The following SKAP1 variants were observed in gnomAD, a reference collection of about 807,000 sequenced individuals.
SKAP1 encodes the protein src kinase associated phosphoprotein 1.
A neutral mutation model predicts 58.5 loss-of-function variants in SKAP1; 44 were observed. The ratio of observed to expected loss-of-function variants is 0.75; its 90% CI spans 0.59 to 0.97. The LOEUF is 0.97. SKAP1 is among the 50% of genes least tolerant of loss of function. The probability of loss-of-function intolerance (pLI) is 0.00; values close to 1 mark genes in which losing one functional copy is unlikely to be tolerated. For synonymous variants in SKAP1, 127 were observed against 149.7 expected, an observed-to-expected ratio of 0.85 and a Z score of 1.11; for missense variants, 390 against 435.2, an observed-to-expected ratio of 0.90 and a Z score of 0.92.
chr17:48,274,688 C>G (rs900556799), intron 4 of SKAP1, among the ~76,000 whole-genome samples: 1 of 147,330 alleles, frequency 6.8e-6, no homozygotes, highest in Non-Finnish European at 1.5e-5. Context: ...AAGAGTGAAA[C>G]TCCTTCTCAA....
intron 4 of SKAP1, among the ~76,000 whole-genome samples, chr17:48,217,353 T>C (rs1300841988): frequency 2.6e-5 from 4 of 152,114 alleles, no homozygotes; most frequent in Non-Finnish European, 5.9e-5. Context: ...AGATTTCCAG[T>C]AGGATTGCTG....
chr17:48,312,128 G>C (rs77096562), intron 4 of SKAP1, among the ~76,000 whole-genome samples: 1,904 of 152,310 alleles, frequency 0.013, 47 homozygotes, highest in African/African-American at 0.044. Flanking sequence ...CATTAGCCCA[G>C]TTTGGGCTCC....
At chr17:48,322,067 T>C (rs1430685257) in intron 4 of SKAP1, among the ~76,000 whole-genome samples, 1 of 152,258 alleles carries the variant, frequency 6.6e-6, no homozygotes, top group Non-Finnish European at 1.5e-5. Context: ...ATTATCTGCC[T>C]GGCATTATCT....
rs1322618930 is a variant in SKAP1 at position 48,396,753 on chromosome 17, T to C, written c.79A>G (p.Asn27Asp). Reference protein sequence around the residue: ...AEEFLAEGLRNENLSAVARDH... With the variant: ...AEEFLAEGLRDENLSAVARDH... Reference sequence around the variant, plus strand: ...CTTGCAACAGCGCTGAGGTTCTCATTCCGCAAACCTTCTGCCAGAAACTCT... The same window carrying C: ...CTTGCAACAGCGCTGAGGTTCTCATCCCGCAAACCTTCTGCCAGAAACTCT... Residue 27 changes from asparagine (N) to aspartate (D), a missense_variant, in exon 2 of 13, where the codon AAT (asparagine) becomes GAT (aspartate). Asn to Asp is a conservative substitution (Grantham distance 23, BLOSUM62 1). Transcript: ENST00000336915. 2.5e-6 allele frequency: 4 copies of C among 1,613,528 alleles called. No individual in the cohort carries two copies. The highest frequency in any genetic ancestry group is 1.3e-5 in the African/African-American group (1 of 74,872).
intron 4 of SKAP1, among the ~76,000 whole-genome samples, chr17:48,204,973 T>TTTTCTTTCCTTTC (rs2064779092): frequency 1.3e-5 from 1 of 77,296 alleles, no homozygotes; most frequent in Non-Finnish European, 2.4e-5. Context: ...TTTTCTTTTC[T>TTTTCTTTCCTTTC]TTTCTTTCTT....
At chr17:48,191,567 C>T (rs1321715696) in intron 4 of SKAP1, among the ~76,000 whole-genome samples, 1 of 152,178 alleles carries the variant, frequency 6.6e-6, no homozygotes, top group Non-Finnish European at 1.5e-5. Context: ...TGGCACTTTG[C>T]TCAGTGCTTT....
intron 4 of SKAP1, among the ~76,000 whole-genome samples, chr17:48,323,970 G>A (rs973393565): frequency 6.6e-6 from 1 of 152,060 alleles, no homozygotes; most frequent in Non-Finnish European, 1.5e-5. Flanking sequence ...TCATGTTATT[G>A]TGGATTCTCA....
intron 4 of SKAP1, among the ~76,000 whole-genome samples, chr17:48,236,645 A>G (rs1331259627): frequency 1.3e-5 from 2 of 152,340 alleles, no homozygotes; most frequent in South Asian, 4.1e-4. Context: ...AACGAATAGG[A>G]TGTTAACTGA....
At chr17:48,361,308 C>A (rs899947927) in intron 3 of SKAP1, among the ~76,000 whole-genome samples, 7 of 151,258 alleles carry the variant, frequency 4.6e-5, no homozygotes, top group Non-Finnish European at 5.9e-5. Context: ...CAGGTTCAAG[C>A]GACTCTCCTG....
intron 11 of SKAP1, among the ~76,000 whole-genome samples, chr17:48,154,629 T>G (rs367773805): frequency 2.0e-4 from 30 of 152,320 alleles, no homozygotes; most frequent in African/African-American, 7.2e-4. Context: ...TCTCACCCAG[T>G]GGCCTCTTCT....
At position 48,390,480 on chromosome 17, in the gene SKAP1, C is replaced by T. The variant is rs970838757; in HGVS notation, c.152+6200G>A. 5.9e-5 allele frequency among the ~76,000 whole-genome samples: 9 copies of T among 152,108 alleles called. No individual in the cohort carries two copies. The East Asian group carries it at 7.7e-4, about 13-fold the overall frequency. On this transcript the variant is annotated intron_variant, in intron 2 of 12. Transcript: ENST00000336915. ...CTTCACGTATTAAAAAAAAAGGACA[C>T]AGGATTTTCTGAAACCAAGACAAAT...
chr17:48,211,912 C>A (rs1020372950), intron 4 of SKAP1, among the ~76,000 whole-genome samples: 1 of 151,760 alleles, frequency 6.6e-6, no homozygotes, highest in Non-Finnish European at 1.5e-5. Flanking sequence ...CCTCTACCTG[C>A]TTAAGGACAC....
At chr17:48,335,343 T>G (rs763660218) in intron 4 of SKAP1, among the ~76,000 whole-genome samples, 19 of 152,008 alleles carry the variant, frequency 1.2e-4, no homozygotes, top group Non-Finnish European at 1.8e-4. Context: ...ACTTTTTGCA[T>G]TGCCATCTAA....
chr17:48,254,237 G>C (rs763576190), intron 4 of SKAP1, among the ~76,000 whole-genome samples: 11 of 152,134 alleles, frequency 7.2e-5, no homozygotes, highest in Non-Finnish European at 1.6e-4. Flanking sequence ...CTTCCTTCAA[G>C]AGATGTTTTC....
chr17:48,406,410 CTTT>C (rs1007636872), intron 1 of SKAP1, among the ~76,000 whole-genome samples: 1 of 144,060 alleles, frequency 6.9e-6, no homozygotes. Context: ...ATTTTTTTTT[CTTT>C]TTTTTTTTGA....
chr17:48,190,035 T>C (rs1294857522), intron 4 of SKAP1, among the ~76,000 whole-genome samples: 1 of 151,942 alleles, frequency 6.6e-6, no homozygotes, highest in Non-Finnish European at 1.5e-5. Flanking sequence ...TATCTAAATA[T>C]ACACTAATTT....
At chr17:48,265,501 A>AAAGCAAGCAAGCAAGCAAGC (rs201049578) in intron 4 of SKAP1, among the ~76,000 whole-genome samples, 1 of 148,324 alleles carries the variant, frequency 6.7e-6, no homozygotes. Flanking sequence ...AAAAAAAAAA[A>AAAGCAAGCAAGCAAGCAAGC]AAGCAAGCAA....
At chr17:48,312,292 CTT>C (rs1254471671) in intron 4 of SKAP1, among the ~76,000 whole-genome samples, 1 of 152,134 alleles carries the variant, frequency 6.6e-6, no homozygotes, top group African/African-American at 2.4e-5. Flanking sequence ...TGAAAAAAAA[CTT>C]TTAATATCTG....
intron 4 of SKAP1, among the ~76,000 whole-genome samples, chr17:48,299,566 AT>A (rs2066031090): frequency 6.6e-6 from 1 of 151,398 alleles, no homozygotes; most frequent in South Asian, 2.1e-4. Context: ...CAGAATATAT[AT>A]GTATGTGTGT....
Sources: gnomAD v4.1 joint callset for allele counts (sites outside exome capture counted in the v4.1 genomes callset) on GRCh38, gnomAD v4.1.1 for gene constraint, MANE v1.5 for transcripts, NCBI Gene and HGNC (gene_info 2026-07-23, HGNC 2026-07-21) for gene names.